Variants in SLC1A3 observed in about 807,000 individuals in gnomAD.
SLC1A3 encodes the protein excitatory amino acid transporter 1.
Under a neutral mutation model 48.1 loss-of-function variants are expected in SLC1A3, and 21 were observed. The ratio of observed to expected loss-of-function variants is 0.44; its 90% CI spans 0.31 to 0.63. SLC1A3 has a LOEUF of 0.63. Among genes scored for constraint, SLC1A3 ranks in the 20% least tolerant of loss-of-function variants. SLC1A3 has a pLI of 0.08. For missense variants in SLC1A3, 546 were observed against 689.0 expected (o/e 0.79, Z 2.32); for synonymous variants, 239 against 251.4 (o/e 0.95, Z 0.47).
chr5:36,617,907 G>A (rs964895846), intron 2 of SLC1A3, among the ~76,000 whole-genome samples: 1 of 152,118 alleles, frequency 6.6e-6, no homozygotes, highest in African/African-American at 2.4e-5. Flanking sequence ...AAATTGCTGG[G>A]TCTAAAGGTA....
At chr5:36,670,738 G>T in intron 3 of SLC1A3, 5 of 471,904 alleles carry the variant, frequency 1.1e-5, no homozygotes, top group Non-Finnish European at 2.0e-5. Flanking sequence ...CAATCTGATT[G>T]CACTTTTGGA....
intron 3 of SLC1A3, among the ~76,000 whole-genome samples, chr5:36,651,141 T>TAAAA (rs58660599): frequency 8.7e-6 from 1 of 114,582 alleles, no homozygotes; most frequent in African/African-American, 3.6e-5. Context: ...AAGTTTTTTT[T>TAAAA]AAAAAAAAAA....
chr5:36,683,167 C>T (rs10941313), intron 8 of SLC1A3, among the ~76,000 whole-genome samples: 130,832 of 152,196 alleles, frequency 0.86, 56,310 homozygotes, highest in Middle Eastern at 0.9. Context: ...AGGGGAATTA[C>T]TAGAAACAAA....
chr5:36,650,372 A>T (rs948310942), intron 3 of SLC1A3, among the ~76,000 whole-genome samples: 2 of 152,198 alleles, frequency 1.3e-5, no homozygotes, highest in African/African-American at 2.4e-5. Flanking sequence ...TAATAATGCC[A>T]TTAGTCAGTT....
At chr5:36,635,824 G>A (rs1289494618) in intron 3 of SLC1A3, among the ~76,000 whole-genome samples, 1 of 152,076 alleles carries the variant, frequency 6.6e-6, no homozygotes, top group African/African-American at 2.4e-5. Context: ...ATGGCGGCCT[G>A]GAAACAAGGC....
At chr5:36,670,851 C>A in intron 3 of SLC1A3, 178 bp from the exon 4 acceptor site, 1 of 655,492 alleles carries the variant, frequency 1.5e-6, no homozygotes. Context: ...ACCATTCTAG[C>A]CTCGGCCTTT....
At chr5:36,653,375 T>C (rs879449395) in intron 3 of SLC1A3, among the ~76,000 whole-genome samples, 4 of 152,220 alleles carry the variant, frequency 2.6e-5, no homozygotes, top group Non-Finnish European at 5.9e-5. Flanking sequence ...GGTGTTCACA[T>C]AAATACTTAA....
chr5:36,627,062 A>G (rs1465770758), intron 2 of SLC1A3, among the ~76,000 whole-genome samples: 2 of 152,162 alleles, frequency 1.3e-5, no homozygotes, highest in East Asian at 3.8e-4. Context: ...ATATAATGTA[A>G]GGCAAACAAA....
chr5:36,666,815 A>G (rs917924625), intron 3 of SLC1A3, among the ~76,000 whole-genome samples: 5 of 152,252 alleles, frequency 3.3e-5, no homozygotes, highest in African/African-American at 1.2e-4. Flanking sequence ...ACACATTTCC[A>G]AAACATTCCC....
chr5:36,682,158 CA>C (rs1013107013), intron 8 of SLC1A3, among the ~76,000 whole-genome samples: 4 of 152,204 alleles, frequency 2.6e-5, no homozygotes, highest in African/African-American at 9.6e-5. Context: ...AGTTGTCCCC[CA>C]AAACATGTCT....
intron 3 of SLC1A3, among the ~76,000 whole-genome samples, chr5:36,661,780 T>C (rs1224920977): frequency 6.6e-6 from 1 of 152,216 alleles, no homozygotes. Context: ...TTTTCTTCTG[T>C]GAGGGACAGG....
At chr5:36,673,829 A>G (rs1742093608) in intron 4 of SLC1A3, among the ~76,000 whole-genome samples, 1 of 152,220 alleles carries the variant, frequency 6.6e-6, no homozygotes, top group Non-Finnish European at 1.5e-5. Flanking sequence ...ACAAGAGGAT[A>G]AATGAGTCAA....
intron 3 of SLC1A3, chr5:36,630,616 T>TCAAGGATATTTATA (rs1329380626): frequency 6.6e-6 from 1 of 152,258 alleles, no homozygotes; most frequent in Non-Finnish European, 1.5e-5. Context: ...CAGGGAGTTC[T>TCAAGGATATTTATA]CAAGGATATT....
upstream of SLC1A3, among the ~76,000 whole-genome samples, chr5:36,605,470 C>G (rs548284693): frequency 6.6e-6 from 1 of 152,240 alleles, no homozygotes; most frequent in African/African-American, 2.4e-5. Flanking sequence ...AAAGGACATA[C>G]AGTTGAGGGT....
In SLC1A3 at chr5:36,683,937, C is replaced by T; in HGVS notation, c.1363C>T (p.Leu455=). The T allele has an allele frequency of 6.2e-7, 1 of 1,614,158 alleles. No homozygotes were observed. The highest frequency in any genetic ancestry group is 8.5e-7 in the Non-Finnish European group (1 of 1,180,020). ...QAGLVTMVIV[L]TSVGLPTDDI... ...GGGCCTGGTCACTATGGTCATTGTG[C>T]TGACATCTGTCGGCCTGCCCACTGA... Residue 455 remains leucine (L), a synonymous_variant, in exon 9 of 10, where the codon CTG becomes TTG. Transcript: ENST00000265113.
chr5:36,670,471 A>G (rs1344784509), intron 3 of SLC1A3, among the ~76,000 whole-genome samples: 2 of 152,244 alleles, frequency 1.3e-5, no homozygotes, highest in African/African-American at 2.4e-5. Flanking sequence ...TCACCAGGTG[A>G]TCAGAATAAT....
intron 8 of SLC1A3, among the ~76,000 whole-genome samples, chr5:36,683,028 T>C (rs1330467940): frequency 5.9e-5 from 9 of 152,266 alleles, no homozygotes; most frequent in African/African-American, 2.2e-4. Context: ...TTTCTAATAC[T>C]ATAAAACTTT....
At chr5:36,671,601 T>C (rs1247305557) in intron 4 of SLC1A3, among the ~76,000 whole-genome samples, 1 of 152,228 alleles carries the variant, frequency 6.6e-6, no homozygotes, top group African/African-American at 2.4e-5. Flanking sequence ...CCCTATTCTT[T>C]GGACCCTTCT....
chr5:36,675,327 G>A (rs187735681), intron 5 of SLC1A3, among the ~76,000 whole-genome samples: 8 of 151,934 alleles, frequency 5.3e-5, no homozygotes, highest in East Asian at 3.9e-4. Context: ...AATAATAAGC[G>A]CCTTTCAATC....
Sources: gnomAD v4.1 joint callset for allele counts (sites outside exome capture counted in the v4.1 genomes callset) on GRCh38, gnomAD v4.1.1 for gene constraint, MANE v1.5 for transcripts, NCBI Gene and HGNC (gene_info 2026-07-23, HGNC 2026-07-21) for gene names.